The following PARD3B variants were observed in gnomAD, a reference collection of about 807,000 sequenced individuals.
The protein encoded by PARD3B is par-3 family cell polarity regulator beta.
Under a neutral mutation model 130.2 loss-of-function variants are expected in PARD3B, and 103 were observed. The observed-to-expected ratio is 0.79, with a 90% CI of 0.67 to 0.93. PARD3B has a LOEUF of 0.93. Among genes scored for constraint, PARD3B ranks in the 40% least tolerant of loss-of-function variants. The probability of loss-of-function intolerance (pLI) is 0.00; values close to 1 mark genes in which losing one functional copy is unlikely to be tolerated. For synonymous variants in PARD3B, 583 were observed against 553.2 expected (o/e 1.05, Z -0.76); for missense variants, 1,609 against 1,499.2 (o/e 1.07, Z -1.21).
At chr2:204,873,320 G>A (rs2045706721) in intron 2 of PARD3B, among the ~76,000 whole-genome samples, 3 of 152,122 alleles carry the variant, frequency 2.0e-5, no homozygotes, top group South Asian at 2.1e-4. Context: ...AATATATGGC[G>A]AAAGCTGTTT....
At chr2:204,935,343 C>T (rs1359535766) in intron 2 of PARD3B, among the ~76,000 whole-genome samples, 84 of 144,438 alleles carry the variant, frequency 5.8e-4, no homozygotes, top group African/African-American at 2.1e-3. Context: ...TCCTGGCTAA[C>T]ACGGTGAAAC....
At chr2:205,007,223 A>G (rs1391397831) in intron 3 of PARD3B, among the ~76,000 whole-genome samples, 1 of 152,074 alleles carries the variant, frequency 6.6e-6, no homozygotes, top group African/African-American at 2.4e-5. Flanking sequence ...TTCCACCGTG[A>G]TTGTAAGTTT....
At chr2:205,283,379 G>A (rs1009779771) in intron 16 of PARD3B, among the ~76,000 whole-genome samples, 2 of 152,094 alleles carry the variant, frequency 1.3e-5, no homozygotes, top group South Asian at 2.1e-4. Flanking sequence ...CAATCTCCTG[G>A]GCTCAAGGGT....
In PARD3B at chr2:204,927,034, A is replaced by G. The variant is rs1575327174; in HGVS notation, c.223-38118A>G. On this transcript the variant is annotated intron_variant, in intron 2 of 22. Transcript: ENST00000406610. ...AGAATTATGATACCCCCCCAAAAAGAAATCCAAAGATGGGATTAGAAAAAG... is the reference window on the plus strand; with the variant it reads ...AGAATTATGATACCCCCCCAAAAAGGAATCCAAAGATGGGATTAGAAAAAG... Among the ~76,000 whole-genome samples, 10 of 152,250 alleles carry G rather than the reference A, an allele frequency of 6.6e-5. 1 individual carries two copies. The South Asian group carries it at 2.1e-3, about 32-fold the overall frequency.
At chr2:205,401,260 T>C (rs2046242613) in intron 19 of PARD3B, 137 bp downstream of exon 19, 2 of 635,546 alleles carry the variant, frequency 3.1e-6, no homozygotes, top group Admixed American at 3.0e-5. Flanking sequence ...AGGTGTCTGA[T>C]ACAAAAAGAA....
chr2:205,137,530 G>A (rs564657241), intron 10 of PARD3B, among the ~76,000 whole-genome samples: 1 of 152,140 alleles, frequency 6.6e-6, no homozygotes, highest in African/African-American at 2.4e-5. Flanking sequence ...TAAGTTCTAT[G>A]TTTTAGTTAT....
At chr2:204,620,940 A>T (rs2034279601) in intron 1 of PARD3B, among the ~76,000 whole-genome samples, 1 of 152,210 alleles carries the variant, frequency 6.6e-6, no homozygotes, top group Non-Finnish European at 1.5e-5. Context: ...AGCAAGTTAC[A>T]GATACAGAAC....
intron 15 of PARD3B, among the ~76,000 whole-genome samples, chr2:205,214,276 T>C (rs1407690615): frequency 6.6e-6 from 1 of 152,098 alleles, no homozygotes; most frequent in Non-Finnish European, 1.5e-5. Context: ...TAACGTAGTC[T>C]GTACATAAAC....
chr2:205,387,974 T>A (rs1048151427), intron 18 of PARD3B, among the ~76,000 whole-genome samples: 1 of 152,180 alleles, frequency 6.6e-6, no homozygotes, highest in African/African-American at 2.4e-5. Context: ...GTTTTCAATA[T>A]CAGTTCTTTA....
intron 22 of PARD3B, among the ~76,000 whole-genome samples, chr2:205,570,189 C>A (rs903676215): frequency 6.6e-6 from 1 of 152,052 alleles, no homozygotes; most frequent in Admixed American, 6.6e-5. Context: ...TTCAAGGGAC[C>A]CTCAAATTCT....
At chr2:204,636,239 C>T (rs928847024) in intron 1 of PARD3B, among the ~76,000 whole-genome samples, 73 of 152,030 alleles carry the variant, frequency 4.8e-4, no homozygotes, top group Non-Finnish European at 7.4e-4. Flanking sequence ...TACTGTAGAC[C>T]CAGAGCTGTA....
At chr2:204,928,259 G>C (rs1019569181) in intron 2 of PARD3B, among the ~76,000 whole-genome samples, 1 of 152,096 alleles carries the variant, frequency 6.6e-6, no homozygotes, top group Non-Finnish European at 1.5e-5. Flanking sequence ...TAGTGGGAGA[G>C]TTCCAAAGGA....
rs527908613 is a variant in PARD3B at position 204,608,339 on chromosome 2, T to G, written c.120+62220T>G. On this transcript the variant is annotated intron_variant, in intron 1 of 22. Transcript: ENST00000406610. ...TTACATGTTTATATCCTCCAAAACTTTCACTCTGGCTTTTTTCCCGGGAAA... is the reference window on the plus strand; with the variant it reads ...TTACATGTTTATATCCTCCAAAACTGTCACTCTGGCTTTTTTCCCGGGAAA... 5.3e-5 allele frequency among the ~76,000 whole-genome samples: 8 copies of G among 152,322 alleles called. No homozygotes were observed. The East Asian group carries it at 1.5e-3, about 29-fold the overall frequency.
intron 20 of PARD3B, among the ~76,000 whole-genome samples, chr2:205,477,730 A>G (rs924204522): frequency 4.6e-5 from 7 of 152,230 alleles, no homozygotes; most frequent in African/African-American, 2.4e-5. Context: ...GAGAAACAAT[A>G]TCTTGCTTAT....
At chr2:205,475,031 A>T (rs967680743) in intron 20 of PARD3B, among the ~76,000 whole-genome samples, 1 of 152,144 alleles carries the variant, frequency 6.6e-6, no homozygotes, top group Non-Finnish European at 1.5e-5. Flanking sequence ...AAATCTATGT[A>T]TATTTATCAA....
chr2:204,806,542 C>G (rs1188857107), intron 2 of PARD3B, among the ~76,000 whole-genome samples: 1 of 152,006 alleles, frequency 6.6e-6, no homozygotes, highest in African/African-American at 2.4e-5. Flanking sequence ...CTATTTGAGA[C>G]TAAAAGAAAA....
intron 2 of PARD3B, among the ~76,000 whole-genome samples, chr2:204,881,743 G>A (rs1258550218): frequency 6.6e-6 from 1 of 152,194 alleles, no homozygotes; most frequent in Non-Finnish European, 1.5e-5. Context: ...TGGGAAAGGA[G>A]TAACAGATTT....
At chr2:205,101,715 A>G (rs544283229) in intron 4 of PARD3B, among the ~76,000 whole-genome samples, 1 of 152,326 alleles carries the variant, frequency 6.6e-6, no homozygotes, top group South Asian at 2.1e-4. Flanking sequence ...GGAGTAAAAT[A>G]CTGATATATG....
chr2:204,610,607 G>A lies in PARD3B; in HGVS notation c.120+64488G>A, dbSNP rs988580499. Among the ~76,000 whole-genome samples, 5 of 152,072 alleles carry A rather than the reference G, an allele frequency of 3.3e-5. No homozygotes were observed. The South Asian group carries it at 6.2e-4, about 19-fold the overall frequency. ...ACTCCTGACCTCAGGTGATCCACCCGCATTGGCCTCCCAAAGTGCTGGGAT... is the reference window on the plus strand; with the variant it reads ...ACTCCTGACCTCAGGTGATCCACCCACATTGGCCTCCCAAAGTGCTGGGAT... On this transcript the variant is annotated intron_variant, in intron 1 of 22. Transcript: ENST00000406610. The surrounding 1 kb of genome is among the most constrained non-coding windows in gnomAD (Gnocchi z 4.1).
Sources: allele counts gnomAD v4.1 joint callset (sites outside exome capture counted in the v4.1 genomes callset), GRCh38; gene constraint gnomAD v4.1.1; non-coding constraint Gnocchi (gnomAD v3.1); transcripts MANE v1.5; gene names NCBI Gene and HGNC (gene_info 2026-07-23, HGNC 2026-07-21).